The following OTOGL variants were observed in gnomAD, a reference collection of about 807,000 sequenced individuals.
The protein encoded by OTOGL is otogelin-like protein.
In OTOGL, 285 loss-of-function variants were observed where a neutral mutation model predicts 318.5. The observed-to-expected ratio is 0.89, with a 90% CI of 0.81 to 0.99. The LOEUF (loss-of-function observed/expected upper bound fraction) is 0.99. OTOGL is among the 50% of genes least tolerant of loss of function. The probability of loss-of-function intolerance (pLI) is 0.00; values close to 1 mark genes in which losing one functional copy is unlikely to be tolerated. For synonymous variants in OTOGL, 987 were observed against 936.5 expected (o/e 1.05, Z -0.99); for missense variants, 2,899 against 2,845.6 (o/e 1.02, Z -0.43).
intron 11 of OTOGL, among the ~76,000 whole-genome samples, chr12:80,241,763 T>G (rs1239529172): frequency 6.6e-6 from 1 of 152,150 alleles, no homozygotes; most frequent in Non-Finnish European, 1.5e-5. Context: ...ATATTTCTCT[T>G]ACATAAAAAT....
At chr12:80,109,224 A>G (rs1265529970) in intron 1 of OTOGL, among the ~76,000 whole-genome samples, 2 of 152,060 alleles carry the variant, frequency 1.3e-5, no homozygotes, top group African/African-American at 4.8e-5. Context: ...CTATGAAGCT[A>G]TTGTTACTTC....
At chr12:80,116,998 C>T (rs988198117) in intron 1 of OTOGL, among the ~76,000 whole-genome samples, 5 of 152,112 alleles carry the variant, frequency 3.3e-5, no homozygotes, top group Middle Eastern at 3.2e-3. Context: ...AACAGGAAAG[C>T]CATAGGACAG....
chr12:80,230,778 T>A (rs1321670430), intron 8 of OTOGL, among the ~76,000 whole-genome samples: 1 of 152,204 alleles, frequency 6.6e-6, no homozygotes, highest in Non-Finnish European at 1.5e-5. Flanking sequence ...GAAGCTTTAC[T>A]TCTCTGGATT....
chr12:80,320,409 C>T lies in OTOGL; in HGVS notation c.3803-13C>T, dbSNP rs750299428. 21 of 1,602,508 alleles carry T rather than the reference C, an allele frequency of 1.3e-5. No individual in the cohort carries two copies. The Admixed American group carries it at 3.4e-4, about 26-fold the overall frequency. Reference sequence around the variant, plus strand: ...CCTTCTCCTGAGAATCCACACTGCTCTATATTTTACAGCATTAGCACTTGT... The same window carrying T: ...CCTTCTCCTGAGAATCCACACTGCTTTATATTTTACAGCATTAGCACTTGT... On this transcript the variant is annotated splice_polypyrimidine_tract_variant and intron_variant, in intron 33 of 58. Coordinates refer to ENST00000547103, the MANE Select transcript of OTOGL (RefSeq NM_001378609.3).
At chr12:80,210,334 G>A (rs75357396) in intron 2 of OTOGL, among the ~76,000 whole-genome samples, 2 of 152,106 alleles carry the variant, frequency 1.3e-5, no homozygotes, top group Non-Finnish European at 2.9e-5. Context: ...TCCCTGTAAA[G>A]GTCTGTATGC....
chr12:80,358,445 A>G, intron 50 of OTOGL, 96 bp downstream of exon 50: 1 of 1,036,712 alleles, frequency 9.6e-7, no homozygotes. Context: ...ACCCTTTTTC[A>G]AAGTTTTTCA....
At chr12:80,214,194 C>T (rs1450241887) in intron 4 of OTOGL, among the ~76,000 whole-genome samples, 2 of 152,114 alleles carry the variant, frequency 1.3e-5, no homozygotes, top group Non-Finnish European at 2.9e-5. Flanking sequence ...TGAAAGCAGG[C>T]CCTAAGACAT....
intron 1 of OTOGL, among the ~76,000 whole-genome samples, chr12:80,186,499 CCAAA>C (rs1198061336): frequency 2.0e-5 from 3 of 152,176 alleles, no homozygotes; most frequent in Admixed American, 6.5e-5. Flanking sequence ...TGTATCTTCC[CCAAA>C]CAGAGTTCTA....
At position 80,099,617 on chromosome 12, in the gene OTOGL, G is replaced by C. The variant is rs1337368369; in HGVS notation, c.-20+12G>C. On this transcript the variant is annotated intron_variant, in intron 1 of 58. Transcript: ENST00000547103. ...CCAGTGCTTCCCTGGTAAGTTTTGG[G>C]GGATGGAAGTGGCAGCAGTCATAAG... The C allele has an allele frequency of 6.6e-6, 1 of 152,180 alleles. No homozygotes were observed. Among genetic ancestry groups the C allele is most frequent in the South Asian group, 2.1e-4 (1 of 4,828 alleles). The allele number at this position is 152,180 out of a possible 1,614,324, so 9.4% of individuals were successfully genotyped here. A position where few individuals can be genotyped will look rare whatever the true frequency, so the allele number is the denominator to read the frequency against.
intron 1 of OTOGL, among the ~76,000 whole-genome samples, chr12:80,139,676 G>A (rs1177378739): frequency 6.6e-6 from 1 of 152,050 alleles, no homozygotes; most frequent in Non-Finnish European, 1.5e-5. Flanking sequence ...TATATTTAAA[G>A]GCCTTTTTGA....
At chr12:80,256,970 T>TTC (rs1882106047) in intron 17 of OTOGL, among the ~76,000 whole-genome samples, 1 of 152,022 alleles carries the variant, frequency 6.6e-6, no homozygotes, top group Non-Finnish European at 1.5e-5. Flanking sequence ...ACTAAATTGG[T>TTC]TTTGCTACAG....
chr12:80,143,705 G>A (rs555258631), intron 1 of OTOGL, among the ~76,000 whole-genome samples: 4 of 152,266 alleles, frequency 2.6e-5, no homozygotes, highest in African/African-American at 9.6e-5. Context: ...ACGCAGGTCT[G>A]TCACATTTGA....
intron 1 of OTOGL, among the ~76,000 whole-genome samples, chr12:80,177,065 T>G (rs1022860852): frequency 6.6e-6 from 1 of 152,138 alleles, no homozygotes; most frequent in African/African-American, 2.4e-5. Flanking sequence ...TTTATATATA[T>G]TGTTTATATA....
chr12:80,243,388 T>C (rs1360786551), intron 11 of OTOGL, among the ~76,000 whole-genome samples: 1 of 152,082 alleles, frequency 6.6e-6, no homozygotes, highest in Non-Finnish European at 1.5e-5. Context: ...TCAGAAATCA[T>C]CATTCTCAGA....
intron 1 of OTOGL, among the ~76,000 whole-genome samples, chr12:80,119,557 CT>C (rs1870366541): frequency 6.6e-6 from 1 of 152,176 alleles, no homozygotes. Flanking sequence ...GCTTATAAAC[CT>C]TTGTTGTCTT....
chr12:80,363,023 A>G (rs1371567621), intron 52 of OTOGL, among the ~76,000 whole-genome samples: 1 of 152,118 alleles, frequency 6.6e-6, no homozygotes, highest in East Asian at 1.9e-4. Context: ...CAGTGGCACA[A>G]TCATAGCATC....
intron 7 of OTOGL, among the ~76,000 whole-genome samples, chr12:80,224,794 C>T (rs73358903): frequency 1.4e-4 from 22 of 151,998 alleles, no homozygotes; most frequent in African/African-American, 5.3e-4. Context: ...GACCCTGAAA[C>T]TTTTTAAGGC....
chr12:80,261,205 T>C (rs1592623929), intron 18 of OTOGL, among the ~76,000 whole-genome samples: 1 of 152,126 alleles, frequency 6.6e-6, no homozygotes, highest in Non-Finnish European at 1.5e-5. Flanking sequence ...GTCAGGATTG[T>C]GGTGTGGTCA....
At chr12:80,189,091 C>A (rs2137257062) in intron 1 of OTOGL, among the ~76,000 whole-genome samples, 1 of 152,114 alleles carries the variant, frequency 6.6e-6, no homozygotes, top group Admixed American at 6.5e-5. Flanking sequence ...CATTTTTTGG[C>A]AATGTGAAGA....
Sources: gnomAD v4.1 joint callset for allele counts (sites outside exome capture counted in the v4.1 genomes callset) on GRCh38, gnomAD v4.1.1 for gene constraint, MANE v1.5 for transcripts, NCBI Gene and HGNC (gene_info 2026-07-23, HGNC 2026-07-21) for gene names.